The following SYCP2L variants were observed in gnomAD, a reference collection of about 807,000 sequenced individuals.
The protein encoded by SYCP2L is synaptonemal complex protein 2 like.
A neutral mutation model predicts 125.8 loss-of-function variants in SYCP2L; 98 were observed. That is an observed-to-expected ratio of 0.78 (90% confidence interval 0.66 to 0.92). The LOEUF is 0.92. Ranked by LOEUF, SYCP2L falls within the 40% of genes least tolerant of loss-of-function variation. The pLI is 0.00. For missense variants in SYCP2L, 842 were observed against 936.4 expected (o/e 0.90, Z 1.32); for synonymous variants, 317 against 325.4 (o/e 0.97, Z 0.28).
chr6:10,969,407 C>A (rs1412522590), intron 29 of SYCP2L, among the ~76,000 whole-genome samples: 1 of 139,272 alleles, frequency 7.2e-6, no homozygotes, highest in Non-Finnish European at 1.5e-5. Context: ...GTCGCCCAGG[C>A]TGGAGTGCAG....
intron 8 of SYCP2L, among the ~76,000 whole-genome samples, chr6:10,904,356 C>T (rs143966920): frequency 1.0e-3 from 152 of 152,272 alleles, no homozygotes; most frequent in African/African-American, 3.5e-3. Context: ...AACCAGCCAG[C>T]GCGGAGGACA....
intron 1 of SYCP2L, among the ~76,000 whole-genome samples, chr6:10,887,374 G>A (rs1780092286): frequency 6.6e-6 from 1 of 152,218 alleles, no homozygotes; most frequent in Non-Finnish European, 1.5e-5. Context: ...AAGGGGAACC[G>A]GAGAATTCGT....
intron 24 of SYCP2L, 21 bp from the exon 25 acceptor site, chr6:10,956,115 T>C (rs2113406430): frequency 1.3e-6 from 2 of 1,574,962 alleles, no homozygotes; most frequent in South Asian, 1.1e-5. Flanking sequence ...TTTTATTCCA[T>C]GTTTTGTTTT....
chr6:10,891,634 T>TATATGA, intron 2 of SYCP2L, 53 bp downstream of exon 2: 4 of 662,556 alleles, frequency 6.0e-6, no homozygotes, highest in Non-Finnish European at 1.0e-5. Context: ...TGTGTGTGTG[T>TATATGA]GTGTGTGTGT....
chr6:10,928,108 G>A (rs566534558), intron 17 of SYCP2L, among the ~76,000 whole-genome samples: 4 of 151,954 alleles, frequency 2.6e-5, no homozygotes, highest in African/African-American at 9.7e-5. Flanking sequence ...TCTACAATTT[G>A]TGCAGTTAAC....
intron 21 of SYCP2L, among the ~76,000 whole-genome samples, chr6:10,942,153 G>A (rs868478036): frequency 9.1e-6 from 1 of 110,042 alleles, no homozygotes; most frequent in African/African-American, 3.5e-5. Flanking sequence ...GTTGTGGGGT[G>A]GGGGGAGGGG....
At chr6:10,950,516 A>G (rs778789391) in intron 23 of SYCP2L, among the ~76,000 whole-genome samples, 2 of 145,196 alleles carry the variant, frequency 1.4e-5, no homozygotes, top group Non-Finnish European at 3.0e-5. Flanking sequence ...AATTACTTCA[A>G]AAAATATTTT....
intron 1 of SYCP2L, among the ~76,000 whole-genome samples, chr6:10,891,044 T>C (rs552415352): frequency 6.6e-6 from 1 of 152,356 alleles, no homozygotes; most frequent in East Asian, 1.9e-4. Context: ...TACATATGTG[T>C]CTGTTTTTAT....
Position 10,912,967 on chromosome 6 carries a change from A to C in SYCP2L, c.1072+40A>C. 1 of 1,577,886 alleles carries C rather than the reference A, an allele frequency of 6.3e-7. No individual in the cohort carries two copies. On this transcript the variant is annotated intron_variant, in intron 14 of 29. Transcript: ENST00000283141. The surrounding 1 kb of genome is among the most constrained non-coding windows in gnomAD (Gnocchi z 4.1). ...TTAAACAACCCACGTCCAGTTCCAA[A>C]TATTATTTCTGTTGTATATGCAGTG...
At position 10,887,154 on chromosome 6, in the gene SYCP2L, G is replaced by T. The variant is rs147371826; in HGVS notation, c.9+19G>T. On this transcript the variant is annotated intron_variant, in intron 1 of 29. Transcript: ENST00000283141. ...GCAAGCGGTGAGTGACCCCCGAAGG[G>T]CCCGGACCTTCTGTCCACAGTGCTA... 5,246 of 1,614,054 alleles carry T rather than the reference G, an allele frequency of 3.3e-3. 15 individuals are homozygous for T. Among genetic ancestry groups the T allele is most frequent in the South Asian group, 4.5e-3 (414 of 91,072 alleles).
intron 14 of SYCP2L, among the ~76,000 whole-genome samples, chr6:10,920,437 G>A (rs922674288): frequency 4.6e-5 from 7 of 152,038 alleles, no homozygotes; most frequent in Admixed American, 6.5e-5. Flanking sequence ...GGCTGGTCTC[G>A]AACTCCTGAC....
intron 29 of SYCP2L, among the ~76,000 whole-genome samples, chr6:10,971,471 AAAAAG>A (rs1226751141): frequency 5.9e-5 from 9 of 151,506 alleles, no homozygotes; most frequent in Admixed American, 2.0e-4. Flanking sequence ...AAAAAAAAAA[AAAAAG>A]AAAGAAAGAA....
chr6:10,942,633 C>G (rs763085329), intron 22 of SYCP2L, 44 bp from the exon 23 acceptor site: 10 of 1,606,446 alleles, frequency 6.2e-6, no homozygotes, highest in African/African-American at 5.4e-5. Flanking sequence ...TTGTTTCTTG[C>G]TTTGCCATAA....
chr6:10,934,200 A>G (rs763265046), intron 20 of SYCP2L, among the ~76,000 whole-genome samples: 4 of 152,242 alleles, frequency 2.6e-5, no homozygotes, highest in Non-Finnish European at 5.9e-5. Context: ...AATGTATTTA[A>G]TGAAAGTACT....
chr6:10,902,736 A>G lies in SYCP2L; in HGVS notation c.526A>G (p.Thr176Ala), dbSNP rs765621282. ...LSLGFLVTEK[T>A]VNHLLQQEGL... is the part of the protein sequence containing the mutation. Reference sequence around the variant, plus strand: ...CTTAGGATTCCTGGTGACAGAAAAGACTGTAAATCATTTGCTTCAACAGGA... The same window carrying G: ...CTTAGGATTCCTGGTGACAGAAAAGGCTGTAAATCATTTGCTTCAACAGGA... The change falls in exon 7 of 30, where the codon ACT becomes GCT. Residue 176 changes from threonine to alanine, a missense_variant. Transcript: ENST00000283141. 6.2e-7 allele frequency: 1 copy of G among 1,614,168 alleles called. No homozygotes were observed. Among genetic ancestry groups the G allele is most frequent in the Admixed American group, 1.7e-5 (1 of 60,020 alleles).
chr6:10,927,370 A>G lies in SYCP2L; in HGVS notation c.1440+3A>G. On this transcript the variant is annotated splice_donor_region_variant and intron_variant, in intron 17 of 29. Coordinates refer to ENST00000283141, the MANE Select transcript of SYCP2L (RefSeq NM_001040274.3). ...GGGAACCTGCCTCTGATAGTCACGT[A>G]GGTTCTTTTCTATTTTCCCTAAGCA... 6.2e-7 allele frequency: 1 copy of G among 1,608,004 alleles called. No individual in the cohort carries two copies. The highest frequency in any genetic ancestry group is 1.1e-5 in the South Asian group (1 of 90,830).
At chr6:10,923,835 C>T (rs1194780763) in intron 14 of SYCP2L, among the ~76,000 whole-genome samples, 1 of 151,864 alleles carries the variant, frequency 6.6e-6, no homozygotes, top group African/African-American at 2.4e-5. Flanking sequence ...AAGCACCCAC[C>T]ACCACGCCCG....
intron 6 of SYCP2L, 34 bp downstream of exon 6, chr6:10,898,882 AT>A (rs1409195331): frequency 1.6e-6 from 2 of 1,229,674 alleles, no homozygotes; most frequent in East Asian, 2.4e-5. Flanking sequence ...TTGGCTATTA[AT>A]TTTTCATTAA....
At chr6:10,911,740 T>C (rs1780610621) in intron 12 of SYCP2L, among the ~76,000 whole-genome samples, 1 of 152,016 alleles carries the variant, frequency 6.6e-6, no homozygotes, top group African/African-American at 2.4e-5. Flanking sequence ...TCCAGGAACA[T>C]GTATTGTGGG....
Sources: gnomAD v4.1 joint callset for allele counts (sites outside exome capture counted in the v4.1 genomes callset) on GRCh38, gnomAD v4.1.1 for gene constraint, Gnocchi (gnomAD v3.1) non-coding constraint, MANE v1.5 for transcripts, NCBI Gene and HGNC (gene_info 2026-07-23, HGNC 2026-07-21) for gene names.